Variants in LRP1 observed in about 807,000 individuals in gnomAD.
LRP1 encodes prolow-density lipoprotein receptor-related protein 1.
A neutral mutation model predicts 541.5 loss-of-function variants in LRP1; 51 were observed. The observed-to-expected ratio is 0.09, with a 90% CI of 0.08 to 0.12. The LOEUF (loss-of-function observed/expected upper bound fraction) is 0.12. Ranked by LOEUF, LRP1 falls within the 10% of genes least tolerant of loss-of-function variation. LRP1 has a pLI of 1.00. For synonymous variants in LRP1, 2,219 were observed against 2,470.8 expected, an observed-to-expected ratio of 0.90 and a Z score of 3.02; for missense variants, 3,878 against 6,376.2, an observed-to-expected ratio of 0.61 and a Z score of 13.34.
chr12:57,152,169 A>G (rs1220615382), intron 6 of LRP1, among the ~76,000 whole-genome samples: 1 of 152,126 alleles, frequency 6.6e-6, no homozygotes, highest in Non-Finnish European at 1.5e-5. Flanking sequence ...GGATAGCGGC[A>G]TCAGATCTCT....
chr12:57,172,689 T>C (rs1471806441), intron 20 of LRP1, among the ~76,000 whole-genome samples: 1 of 152,150 alleles, frequency 6.6e-6, no homozygotes, highest in Non-Finnish European at 1.5e-5. Flanking sequence ...TTTATCTCCA[T>C]AGCTTTATCA....
intron 23 of LRP1, 41 bp downstream of exon 23, chr12:57,175,746 G>T (rs201813585): frequency 2.6e-6 from 4 of 1,548,778 alleles, no homozygotes; most frequent in Middle Eastern, 1.7e-4. Context: ...GCCGAGGCAG[G>T]CCTCTGAGCT....
chr12:57,202,465 C>T lies in LRP1; in HGVS notation c.10639C>T (p.Arg3547Cys). The T allele has an allele frequency of 1.2e-6, 2 of 1,613,694 alleles. No homozygotes were observed. The highest frequency in any genetic ancestry group is 8.5e-7 in the Non-Finnish European group (1 of 1,180,010). ...ATACCAGTTCCGCTGCAAGAACAAC[C>T]GCTGCGTGCCCGGCCGCTGGCAGTG... is the stretch of plus-strand genomic sequence containing the variant. Reference protein sequence around the residue: ...EPYQFRCKNNRCVPGRWQCDY... With the variant: ...EPYQFRCKNNCCVPGRWQCDY... Residue 3547 changes from arginine to cysteine, a missense_variant, in exon 68 of 89, where the codon CGC (arginine) becomes TGC (cysteine). This residue lies in a region of LRP1 where 278 missense variants were observed against 536.3 expected (regional missense o/e 0.52). Transcript: ENST00000243077.
In LRP1 at chr12:57,178,825, G is replaced by A. The variant is rs1295762271; in HGVS notation, c.4607-65G>A. The stretch of plus-strand genomic sequence containing the variant: ...GAGGAGAGTGGGCGAGGAAGGGGTG[G>A]TCCATGTAGGGAGCAGCAAGTCACA... On this transcript the variant is annotated intron_variant, in intron 27 of 88. Transcript: ENST00000243077. The surrounding 1 kb of genome is among the most constrained non-coding windows in gnomAD (Gnocchi z 5.8). 2 of 1,564,404 alleles carry A rather than the reference G, an allele frequency of 1.3e-6. No individual in the cohort carries two copies. The highest frequency in any genetic ancestry group is 3.6e-5 in the Admixed American group (2 of 54,806).
Position 57,162,397 on chromosome 12 carries a change from G to A in LRP1, c.2283G>A (p.Arg761=), listed in dbSNP as rs1424916600. 1 of 1,614,066 alleles carries A rather than the reference G, an allele frequency of 6.2e-7. No homozygotes were observed. Among genetic ancestry groups the A allele is most frequent in the Non-Finnish European group, 8.5e-7 (1 of 1,180,044 alleles). The stretch of plus-strand genomic sequence containing the variant: ...ACTACCTCTTCTGGACTGAGTATCG[G>A]AGTGGCAGTGTCTACCGCTTGGAAC... ...HGNYLFWTEY[R]SGSVYRLERG... Residue 761 remains arginine (R), a synonymous_variant, in exon 14 of 89, where the codon CGG becomes CGA. Coordinates refer to ENST00000243077, the MANE Select transcript of LRP1 (RefSeq NM_002332.3). This position sits in a 1 kb window ranked among gnomAD's most constrained non-coding sequence, Gnocchi z 5.2.
chr12:57,163,415 C>G (rs1172436005), intron 15 of LRP1, among the ~76,000 whole-genome samples: 2 of 152,008 alleles, frequency 1.3e-5, no homozygotes, highest in African/African-American at 4.8e-5. Context: ...CCCATCTCTA[C>G]TAAAAATACA....
At position 57,185,318 on chromosome 12, in the gene LRP1, G is replaced by T; in HGVS notation, c.6463+113G>T. Reference sequence around the variant, plus strand: ...CTGGGAGACAAGTTAGACCCATGGGGCAACTTCCGATGGCCCGAGAGACCC... The same window carrying T: ...CTGGGAGACAAGTTAGACCCATGGGTCAACTTCCGATGGCCCGAGAGACCC... On this transcript the variant is annotated intron_variant, in intron 40 of 88. Coordinates refer to ENST00000243077, the MANE Select transcript of LRP1 (RefSeq NM_002332.3). This position sits in a 1 kb window ranked among gnomAD's most constrained non-coding sequence, Gnocchi z 4.9. The T allele has an allele frequency of 6.8e-7, 1 of 1,466,462 alleles. No homozygotes were observed. Among genetic ancestry groups the T allele is most frequent in the Non-Finnish European group, 9.3e-7 (1 of 1,079,294 alleles). The allele number at this position is 1,466,462 out of a possible 1,614,324, so 90.8% of individuals were successfully genotyped here.
chr12:57,173,452 T>C lies in LRP1; in HGVS notation c.3346+102T>C. 3 of 1,301,216 alleles carry C rather than the reference T, an allele frequency of 2.3e-6. No individual in the cohort carries two copies. Among genetic ancestry groups the C allele is most frequent in the Non-Finnish European group, 3.2e-6 (3 of 938,392 alleles). The allele number at this position is 1,301,216 out of a possible 1,614,324, so 80.6% of individuals were successfully genotyped here. Reference sequence around the variant, plus strand: ...GCAAAGGGGATGGCACTGTGCTGTGTGGAGTGGTGCTGGGGACAGTGCAAG... The same window carrying C: ...GCAAAGGGGATGGCACTGTGCTGTGCGGAGTGGTGCTGGGGACAGTGCAAG... On this transcript the variant is annotated intron_variant, in intron 21 of 88. Coordinates refer to ENST00000243077, the MANE Select transcript of LRP1 (RefSeq NM_002332.3). This position sits in a 1 kb window ranked among gnomAD's most constrained non-coding sequence, Gnocchi z 4.7.
At position 57,200,430 on chromosome 12, in the gene LRP1, C is replaced by T. The variant is rs376873962; in HGVS notation, c.10015-12C>T. 7.6e-6 allele frequency: 12 copies of T among 1,569,372 alleles called. No individual in the cohort carries two copies. The highest frequency in any genetic ancestry group is 1.1e-5 in the Non-Finnish European group (12 of 1,139,958). On this transcript the variant is annotated splice_polypyrimidine_tract_variant and intron_variant, in intron 62 of 88. Transcript: ENST00000243077. ...CCCCCACCAACCCCTCTTGCCCCCA[C>T]CTGCCCTCCAGTTTGTATGCAAGAA...
intron 82 of LRP1, 56 bp downstream of exon 82, chr12:57,210,536 ACCCACCACCCCAC>A: frequency 1.1e-6 from 1 of 900,642 alleles, no homozygotes; most frequent in Non-Finnish European, 1.4e-6. Context: ...CAGCCCCGCC[ACCCACCACCCCAC>A]CTCAGGCAAA....
In LRP1 at chr12:57,173,675, C is replaced by A; in HGVS notation, c.3347-105C>A. On this transcript the variant is annotated intron_variant, in intron 21 of 88. Coordinates refer to ENST00000243077, the MANE Select transcript of LRP1 (RefSeq NM_002332.3). The surrounding 1 kb of genome is among the most constrained non-coding windows in gnomAD (Gnocchi z 4.7). Reference sequence around the variant, plus strand: ...TCGGGGTTCCTCGTGGACCCCACAGCGTTGCAATCCTGACCCTATTAGAGA... The same window carrying A: ...TCGGGGTTCCTCGTGGACCCCACAGAGTTGCAATCCTGACCCTATTAGAGA... 8.2e-7 allele frequency: 1 copy of A among 1,212,714 alleles called. No homozygotes were observed. Among genetic ancestry groups the A allele is most frequent in the Non-Finnish European group, 1.2e-6 (1 of 829,064 alleles). The allele number at this position is 1,212,714 out of a possible 1,614,324, so 75.1% of individuals were successfully genotyped here.
At chr12:57,207,444 G>A (rs2036808444) in intron 76 of LRP1, among the ~76,000 whole-genome samples, 1 of 151,754 alleles carries the variant, frequency 6.6e-6, no homozygotes, top group Non-Finnish European at 1.5e-5. Context: ...AAGTTGCAGT[G>A]AGCCGAGTGC....
Position 57,141,413 on chromosome 12 carries a change from A to G in LRP1, c.230A>G (p.His77Arg), listed in dbSNP as rs1409482387. 6.2e-7 allele frequency: 1 copy of G among 1,614,186 alleles called. No individual in the cohort carries two copies. The highest frequency in any genetic ancestry group is 1.1e-5 in the South Asian group (1 of 91,086). The change falls in exon 3 of 89, where the codon CAT becomes CGT. Residue 77 changes from histidine to arginine, a missense_variant. Physicochemically the swap from His to Arg is conservative, Grantham distance 29 (BLOSUM62 0). Coordinates refer to ENST00000243077, the MANE Select transcript of LRP1 (RefSeq NM_002332.3). ...GCCCAGCGATGCCAGCCAAACGAGC[A>G]TAACTGCCTGGGTACTGAGCTGTGT... Reference protein sequence around the residue: ...SKAQRCQPNEHNCLGTELCVP... With the variant: ...SKAQRCQPNERNCLGTELCVP...
intron 20 of LRP1, among the ~76,000 whole-genome samples, chr12:57,169,841 G>A (rs1019545840): frequency 2.0e-5 from 3 of 152,376 alleles, no homozygotes; most frequent in South Asian, 2.1e-4. Context: ...GCCCAGCCTC[G>A]GGGGCGGTGG....
chr12:57,197,392 A>T lies in LRP1; in HGVS notation c.9162+8A>T. 6.2e-7 allele frequency: 1 copy of T among 1,611,288 alleles called. No individual in the cohort carries two copies. The highest frequency in any genetic ancestry group is 8.5e-7 in the Non-Finnish European group (1 of 1,178,032). On this transcript the variant is annotated splice_region_variant and intron_variant, in intron 57 of 88. Coordinates refer to ENST00000243077, the MANE Select transcript of LRP1 (RefSeq NM_002332.3). The surrounding 1 kb of genome is among the most constrained non-coding windows in gnomAD (Gnocchi z 4.5). Reference sequence around the variant, plus strand: ...TACACGTTACTTAAGCAGGTACCAAACCCAGGCCCTCCTCCCCGCTGCCCA... The same window carrying T: ...TACACGTTACTTAAGCAGGTACCAATCCCAGGCCCTCCTCCCCGCTGCCCA...
At chr12:57,168,012 C>T (rs975213769) in intron 19 of LRP1, among the ~76,000 whole-genome samples, 1 of 152,166 alleles carries the variant, frequency 6.6e-6, no homozygotes, top group Non-Finnish European at 1.5e-5. Context: ...AGGTGACTGC[C>T]GTGTGTGGTG....
intron 47 of LRP1, 47 bp from the exon 48 acceptor site, chr12:57,193,852 C>T (rs1405635613): frequency 6.3e-7 from 1 of 1,599,058 alleles, no homozygotes; most frequent in Non-Finnish European, 8.6e-7. Context: ...TTCTGGCCCC[C>T]ACAGAGAAAA....
intron 1 of LRP1, among the ~76,000 whole-genome samples, chr12:57,132,512 C>G (rs2035058014): frequency 6.6e-6 from 1 of 152,332 alleles, no homozygotes; most frequent in South Asian, 2.1e-4. Context: ...CCACCCTACT[C>G]TAGGCTCAGC....
Position 57,158,726 on chromosome 12 carries a change from TC to T in LRP1, c.1798+92del. ...TCTCGGTGCCCTCTCAGCAGGATGG[TC>T]CCCTGCTGACTGGCTGGCTGCACTG... On this transcript the variant is annotated intron_variant, in intron 11 of 88. Coordinates refer to ENST00000243077, the MANE Select transcript of LRP1 (RefSeq NM_002332.3). The surrounding 1 kb of genome is among the most constrained non-coding windows in gnomAD (Gnocchi z 5.3). 1 of 1,202,094 alleles carries T rather than the reference TC, an allele frequency of 8.3e-7. No homozygotes were observed. Among genetic ancestry groups the T allele is most frequent in the Non-Finnish European group, 1.2e-6 (1 of 828,188 alleles). 74.5% of individuals were successfully genotyped at this position (1,202,094 alleles called of 1,614,324 possible).
Sources: gnomAD v4.1 joint callset for allele counts (sites outside exome capture counted in the v4.1 genomes callset) on GRCh38, gnomAD v4.1.1 for gene constraint, gnomAD v4.1.1 regional missense constraint, Gnocchi (gnomAD v3.1) non-coding constraint, MANE v1.5 for transcripts, NCBI Gene and HGNC (gene_info 2026-07-23, HGNC 2026-07-21) for gene names.